Variants in MRPS22 observed in about 807,000 individuals in gnomAD.
The protein encoded by MRPS22 is mitochondrial ribosomal protein S22.
MRPS22 carries 30 observed loss-of-function variants against 44.0 expected under a neutral mutation model. The ratio of observed to expected loss-of-function variants is 0.68; its 90% CI spans 0.51 to 0.93. The LOEUF is 0.93. Among genes scored for constraint, MRPS22 ranks in the 40% least tolerant of loss-of-function variants. MRPS22 has a pLI of 0.00. For missense variants in MRPS22, 447 were observed against 447.8 expected (o/e 1.00, Z 0.02); for synonymous variants, 165 against 154.4 (o/e 1.07, Z -0.51).
chr3:139,350,673 C>CA (rs368536241), intron 4 of MRPS22: 1 of 281,708 alleles, frequency 3.5e-6, no homozygotes, highest in Non-Finnish European at 6.3e-6. Context: ...GGATTCGCAC[C>CA]CCCCCCCCGC....
rs757392815 is a variant in MRPS22 at position 139,344,175 on chromosome 3, G to T, written c.149G>T (p.Arg50Leu). The T allele has an allele frequency of 2.2e-5, 35 of 1,611,194 alleles. No homozygotes were observed. Among genetic ancestry groups the T allele is most frequent in the Non-Finnish European group, 2.5e-5 (30 of 1,179,122 alleles). The stretch of plus-strand genomic sequence containing the variant: ...TGCTCTTTCGAGATGGGGCTGCCAC[G>T]CCGCCGGTTCAGCTCCGAGGCCGGT... ...LPCSFEMGLP[R>L]RRFSSEAAES... The change falls in exon 1 of 8, where the codon CGC becomes CTC. Residue 50 changes from arginine (R) to leucine (L), a missense_variant. By Grantham distance (102) the Arg-to-Leu change is moderately radical. Transcript: ENST00000680020.
chr3:139,356,537 G>A (rs575314944), intron 7 of MRPS22, among the ~76,000 whole-genome samples: 129 of 152,298 alleles, frequency 8.5e-4, no homozygotes, highest in African/African-American at 3.1e-3. Context: ...TTATGAACCT[G>A]ATAAAGCGCA....
intron 2 of MRPS22, 37 bp downstream of exon 2, chr3:139,347,081 T>C (rs776116638): frequency 1.9e-6 from 3 of 1,610,802 alleles, no homozygotes; most frequent in South Asian, 1.1e-5. Context: ...AATACCTTTC[T>C]TTAAGGGTTT....
chr3:139,347,929 T>C (rs958255334), intron 2 of MRPS22, among the ~76,000 whole-genome samples: 2 of 152,250 alleles, frequency 1.3e-5, no homozygotes, highest in Admixed American at 1.3e-4. Context: ...TCTCAGAGCA[T>C]GCCTTTGTGG....
chr3:139,348,577 G>T lies in MRPS22; in HGVS notation c.504+253G>T, dbSNP rs1941089961. On this transcript the variant is annotated intron_variant, in intron 3 of 7. Transcript: ENST00000680020. ...TCCAGATGTGCTGAGGCAGAACAAG[G>T]AGTACACAGATACAGACAGAAACCC... 4 of 481,718 alleles carry T rather than the reference G, an allele frequency of 8.3e-6. No homozygotes were observed. The East Asian group carries it at 1.2e-4, about 14-fold the overall frequency. 29.8% of individuals were successfully genotyped at this position (481,718 alleles called of 1,614,324 possible).
rs770894198 is a variant in MRPS22 at position 139,357,040 on chromosome 3, T to A, written c.*26T>A. The A allele has an allele frequency of 2.0e-6, 3 of 1,476,974 alleles. No individual in the cohort carries two copies. The highest frequency in any genetic ancestry group is 1.7e-5 in the Admixed American group (1 of 59,254). 91.5% of individuals were successfully genotyped at this position (1,476,974 alleles called of 1,614,324 possible). A position where few individuals can be genotyped will look rare whatever the true frequency, so the allele number is the denominator to read the frequency against. ...AAATATTTTAAAAATACATTTATTT[T>A]ACTAAATACTGACTACATTTCTCTG... On this transcript the variant is annotated 3_prime_UTR_variant, in exon 8 of 8. Transcript: ENST00000680020.
intron 3 of MRPS22, chr3:139,349,517 C>A: frequency 4.4e-6 from 1 of 225,784 alleles, no homozygotes; most frequent in South Asian, 5.0e-5. Flanking sequence ...ACATTTCCTG[C>A]CCTTTTCCAG....
In MRPS22 at chr3:139,352,789, A is replaced by G; in HGVS notation, c.875A>G (p.Asp292Gly). Residue 292 changes from aspartate to glycine, a missense_variant, in exon 6 of 8, where the codon GAT (aspartate) becomes GGT (glycine). Coordinates refer to ENST00000680020, the MANE Select transcript of MRPS22 (RefSeq NM_020191.4). Reference sequence around the variant, plus strand: ...TTGCTGATTGACCAGATTCAGAGAGATTTGTAAGTATGATCTTAGTAAGTG... The same window carrying G: ...TTGCTGATTGACCAGATTCAGAGAGGTTTGTAAGTATGATCTTAGTAAGTG... ...DGLLIDQIQR[D>G]LIDDATNLVQ... 6.2e-7 allele frequency: 1 copy of G among 1,612,926 alleles called. No homozygotes were observed. The highest frequency in any genetic ancestry group is 8.5e-7 in the Non-Finnish European group (1 of 1,179,306).
chr3:139,346,898 A>T lies in MRPS22; in HGVS notation c.193A>T (p.Thr65Ser). The T allele has an allele frequency of 6.2e-7, 1 of 1,614,150 alleles. No homozygotes were observed. The highest frequency in any genetic ancestry group is 8.5e-7 in the Non-Finnish European group (1 of 1,180,012). ...SEAAESGSPE[T>S]KKPTFMDEEV... ...TTTAGCAGAATCTGGTAGCCCAGAG[A>T]CCAAGAAACCTACATTTATGGATGA... is the stretch of plus-strand genomic sequence containing the variant. The change falls in exon 2 of 8, where the codon ACC becomes TCC. Residue 65 changes from threonine (T) to serine (S), a missense_variant. Transcript: ENST00000680020.
chr3:139,350,228 C>T lies in MRPS22; in HGVS notation c.554C>T (p.Ser185Phe), dbSNP rs1348817057. The change falls in exon 4 of 8, where the codon TCT (serine) becomes TTT (phenylalanine). Residue 185 changes from serine to phenylalanine, a missense_variant. Transcript: ENST00000680020. ...REPSGTLRKA[S>F]WEERDRMIQV... ...CCAAGTGGCACACTACGCAAAGCCT[C>T]TTGGGAAGAACGGGACCGAATGATA... The T allele has an allele frequency of 6.2e-7, 1 of 1,613,980 alleles. No homozygotes were observed. Among genetic ancestry groups the T allele is most frequent in the Non-Finnish European group, 8.5e-7 (1 of 1,180,016 alleles).
At chr3:139,350,077 A>T in intron 3 of MRPS22, 102 bp from the exon 4 acceptor site, 1 of 1,374,748 alleles carries the variant, frequency 7.3e-7, no homozygotes, top group Non-Finnish European at 1.0e-6. Context: ...ATTGCATTTT[A>T]TATTGTTGAT....
At chr3:139,345,324 G>T (rs920667618) in intron 1 of MRPS22, among the ~76,000 whole-genome samples, 1 of 152,182 alleles carries the variant, frequency 6.6e-6, no homozygotes, top group African/African-American at 2.4e-5. Flanking sequence ...AATGGAGAAA[G>T]GGAGGCTGAT....
chr3:139,353,247 T>TG (rs1166539741), intron 6 of MRPS22, among the ~76,000 whole-genome samples: 1 of 152,220 alleles, frequency 6.6e-6, no homozygotes, highest in Non-Finnish European at 1.5e-5. Flanking sequence ...TTTTAAGGCA[T>TG]GAAAAAGTTA....
chr3:139,353,598 A>G (rs1378473623), intron 6 of MRPS22, among the ~76,000 whole-genome samples: 2 of 152,232 alleles, frequency 1.3e-5, no homozygotes, highest in African/African-American at 2.4e-5. Flanking sequence ...AAGGTAAGGC[A>G]TGTGGAACTG....
chr3:139,344,072 A>C lies in MRPS22; in HGVS notation c.46A>C (p.Ser16Arg). 1 of 1,614,086 alleles carries C rather than the reference A, an allele frequency of 6.2e-7. No homozygotes were observed. Among genetic ancestry groups the C allele is most frequent in the Non-Finnish European group, 8.5e-7 (1 of 1,180,014 alleles). The change falls in exon 1 of 8, where the codon AGT becomes CGT. Residue 16 changes from serine to arginine, a missense_variant. Ser to Arg is a moderately radical substitution (Grantham distance 110). Transcript: ENST00000680020. ...TGTATTGCTGTGGAGCCTCTTGAGG[A>C]GTTCTCCGGGCGTGGAACGGGTCTG... ...TTVLLWSLLRSSPGVERVCFR... is the reference protein window; with the variant it reads ...TTVLLWSLLRRSPGVERVCFR...
At chr3:139,344,433 CTG>C in intron 1 of MRPS22, 1 of 623,498 alleles carries the variant, frequency 1.6e-6, no homozygotes, top group Non-Finnish European at 2.9e-6. Context: ...GTGCTAAGCT[CTG>C]TGGGATATGG....
chr3:139,352,432 C>T, intron 5 of MRPS22: 1 of 493,486 alleles, frequency 2.0e-6, no homozygotes, highest in East Asian at 3.8e-5. Context: ...CTGTGCCTGG[C>T]CAAAATTCTT....
chr3:139,354,291 C>T (rs1383926839), intron 6 of MRPS22, among the ~76,000 whole-genome samples: 1 of 152,048 alleles, frequency 6.6e-6, no homozygotes, highest in Non-Finnish European at 1.5e-5. Flanking sequence ...AATTTATTTG[C>T]TCTTTAAGTA....
At chr3:139,346,069 C>G (rs1576361193) in intron 1 of MRPS22, among the ~76,000 whole-genome samples, 1 of 152,158 alleles carries the variant, frequency 6.6e-6, no homozygotes, top group African/African-American at 2.4e-5. Context: ...AAGCAATAAG[C>G]AAACTGCATG....
Sources: gnomAD v4.1 joint callset for allele counts (sites outside exome capture counted in the v4.1 genomes callset) on GRCh38, gnomAD v4.1.1 for gene constraint, MANE v1.5 for transcripts, NCBI Gene and HGNC (gene_info 2026-07-23, HGNC 2026-07-21) for gene names.